Variants in EIF4G3 observed in about 807,000 individuals in gnomAD.
EIF4G3 encodes eukaryotic translation initiation factor 4 gamma 3, also known as eIF-4-gamma 3.
EIF4G3 carries 34 observed loss-of-function variants against 186.4 expected under a neutral mutation model. The observed-to-expected ratio is 0.18, with a 90% confidence interval of 0.14 to 0.24. The LOEUF (loss-of-function observed/expected upper bound fraction) is 0.24. Ranked by LOEUF, EIF4G3 falls within the 10% of genes least tolerant of loss-of-function variation. The probability of loss-of-function intolerance (pLI) is 1.00; values close to 1 mark genes in which losing one functional copy is unlikely to be tolerated. For synonymous variants in EIF4G3, 673 were observed against 679.5 expected (o/e 0.99, Z 0.15); for missense variants, 1,536 against 1,948.5 (o/e 0.79, Z 3.99).
At chr1:20,923,090 C>T (rs867549218) in intron 14 of EIF4G3, among the ~76,000 whole-genome samples, 12 of 152,094 alleles carry the variant, frequency 7.9e-5, no homozygotes, top group African/African-American at 1.2e-4. Context: ...AACTTCAAAA[C>T]GCTTCCCCAC....
intron 2 of EIF4G3, among the ~76,000 whole-genome samples, chr1:21,146,754 T>C (rs2097450332): frequency 6.6e-6 from 1 of 151,762 alleles, no homozygotes. Context: ...CAAAACTCCA[T>C]CTCAAAAATA....
intron 14 of EIF4G3, among the ~76,000 whole-genome samples, chr1:20,910,264 AT>A (rs1289466144): frequency 1.3e-5 from 2 of 152,190 alleles, no homozygotes; most frequent in Non-Finnish European, 2.9e-5. Context: ...AAATTAAGAC[AT>A]TTTATTCAAA....
chr1:20,941,296 C>T, intron 14 of EIF4G3, 195 bp downstream of exon 14: 1 of 1,553,680 alleles, frequency 6.4e-7, no homozygotes. Flanking sequence ...TTCTCATTTG[C>T]ATTTTTAGAC....
chr1:21,096,780 C>T (rs1401751450), intron 2 of EIF4G3, among the ~76,000 whole-genome samples: 4 of 152,174 alleles, frequency 2.6e-5, no homozygotes, highest in African/African-American at 9.7e-5. Flanking sequence ...GGAAGTTATA[C>T]TACTGGCTGA....
At chr1:20,995,772 T>C (rs2082164462) in intron 7 of EIF4G3, among the ~76,000 whole-genome samples, 1 of 152,196 alleles carries the variant, frequency 6.6e-6, no homozygotes, top group Non-Finnish European at 1.5e-5. Flanking sequence ...GTAACGTTAA[T>C]TCCCTCTACT....
chr1:21,081,944 C>T (rs2095801941), intron 3 of EIF4G3, among the ~76,000 whole-genome samples: 1 of 151,392 alleles, frequency 6.6e-6, no homozygotes, highest in Admixed American at 6.6e-5. Context: ...ACGCACAGCC[C>T]CAACTTTTTT....
intron 2 of EIF4G3, among the ~76,000 whole-genome samples, chr1:21,146,620 G>A (rs111335849): frequency 2.6e-5 from 4 of 152,000 alleles, no homozygotes; most frequent in African/African-American, 7.3e-5. Context: ...AACCGGGCAT[G>A]GTGGTGGCCA....
At chr1:21,095,822 A>G (rs2096353417) in intron 2 of EIF4G3, among the ~76,000 whole-genome samples, 1 of 152,180 alleles carries the variant, frequency 6.6e-6, no homozygotes, top group African/African-American at 2.4e-5. Flanking sequence ...CAATATTGCC[A>G]GAGACTATGC....
chr1:20,956,702 T>G (rs1160935638), intron 12 of EIF4G3, among the ~76,000 whole-genome samples: 1 of 151,226 alleles, frequency 6.6e-6, no homozygotes, highest in East Asian at 2.0e-4. Flanking sequence ...AGACAGGGTC[T>G]CGCTCTGCCA....
chr1:20,991,494 G>A (rs1216044360), intron 7 of EIF4G3, among the ~76,000 whole-genome samples: 1 of 152,028 alleles, frequency 6.6e-6, no homozygotes, highest in Admixed American at 6.5e-5. Context: ...CTTGAACCTG[G>A]GAGGAGGAGG....
At chr1:20,857,870 A>G (rs893478843) in intron 24 of EIF4G3, among the ~76,000 whole-genome samples, 7 of 152,216 alleles carry the variant, frequency 4.6e-5, no homozygotes, top group Admixed American at 2.0e-4. Flanking sequence ...AGTATATTGT[A>G]TTTAATGGGA....
At chr1:21,000,838 C>T (rs1461170360) in intron 6 of EIF4G3, among the ~76,000 whole-genome samples, 2 of 151,972 alleles carry the variant, frequency 1.3e-5, no homozygotes, top group African/African-American at 4.8e-5. Context: ...AAATGGCTGA[C>T]AACTACAGAC....
intron 7 of EIF4G3, among the ~76,000 whole-genome samples, chr1:20,992,138 T>C (rs374305948): frequency 1.3e-5 from 2 of 152,324 alleles, no homozygotes; most frequent in South Asian, 2.1e-4. Context: ...GTGAATGAGA[T>C]ACCAGATAAA....
In EIF4G3 at chr1:21,010,474, A is replaced by T. The variant is rs2086720099; in HGVS notation, c.-66-7666T>A. Reference sequence around the variant, plus strand: ...AGAAAGAAAAAGAAAAGAAAAAAGAAAACATGTAACAAAATTTACTATCTT... The same window carrying T: ...AGAAAGAAAAAGAAAAGAAAAAAGATAACATGTAACAAAATTTACTATCTT... On this transcript the variant is annotated intron_variant, in intron 4 of 36. Transcript: ENST00000602326. 4.6e-5 allele frequency among the ~76,000 whole-genome samples: 7 copies of T among 152,014 alleles called. No individual in the cohort carries two copies. In the South Asian group the frequency reaches 1.4e-3, roughly 31 times the overall value.
intron 3 of EIF4G3, among the ~76,000 whole-genome samples, chr1:21,060,295 G>T (rs755737057): frequency 1.3e-5 from 2 of 152,158 alleles, no homozygotes; most frequent in Non-Finnish European, 2.9e-5. Context: ...CCTGTACTTG[G>T]TGTACACACC....
chr1:20,907,662 C>T (rs533390926), intron 14 of EIF4G3, among the ~76,000 whole-genome samples: 13 of 151,690 alleles, frequency 8.6e-5, no homozygotes, highest in East Asian at 5.8e-4. Context: ...TTTGTCCTTG[C>T]GATATTTTGC....
intron 14 of EIF4G3, among the ~76,000 whole-genome samples, chr1:20,915,582 C>T (rs962045197): frequency 6.6e-6 from 1 of 151,812 alleles, no homozygotes; most frequent in Non-Finnish European, 1.5e-5. Context: ...ATTCAAATGT[C>T]AAATATTTTC....
chr1:21,076,465 G>A (rs978826850), intron 3 of EIF4G3, among the ~76,000 whole-genome samples: 2 of 151,924 alleles, frequency 1.3e-5, no homozygotes, highest in African/African-American at 4.8e-5. Context: ...ACTCCAGCCT[G>A]GGAGAGAGAG....
chr1:20,981,664 C>T (rs1356531980), intron 8 of EIF4G3, among the ~76,000 whole-genome samples: 3 of 123,968 alleles, frequency 2.4e-5, no homozygotes, highest in African/African-American at 9.1e-5. Flanking sequence ...TACATGTATA[C>T]GCACATACTG....
Sources: allele counts gnomAD v4.1 joint callset (sites outside exome capture counted in the v4.1 genomes callset), GRCh38; gene constraint gnomAD v4.1.1; transcripts MANE v1.5; gene names NCBI Gene and HGNC (gene_info 2026-07-23, HGNC 2026-07-21).